PPP1R12B: variants seen among roughly 807,000 people sequenced by gnomAD.
The protein encoded by PPP1R12B is myosin phosphatase target subunit 2.
In PPP1R12B, 76 loss-of-function variants were observed where a neutral mutation model predicts 126.1. The observed-to-expected ratio is 0.60, with a 90% confidence interval of 0.50 to 0.73. The LOEUF is 0.73. Ranked by LOEUF, PPP1R12B falls within the 30% of genes least tolerant of loss-of-function variation. The probability of loss-of-function intolerance (pLI) is 0.00; values close to 1 mark genes in which losing one functional copy is unlikely to be tolerated. For missense variants in PPP1R12B, 1,052 were observed against 1,205.1 expected (o/e 0.87, Z 1.88); for synonymous variants, 356 against 434.7 (o/e 0.82, Z 2.25).
chr1:202,562,961 T>C lies in PPP1R12B; in HGVS notation c.2652+39T>C. 5.3e-6 allele frequency: 8 copies of C among 1,518,140 alleles called. 1 individual carries two copies. The highest frequency in any genetic ancestry group is 7.0e-6 in the Non-Finnish European group (8 of 1,135,184). 94.0% of individuals were successfully genotyped at this position (1,518,140 alleles called of 1,614,324 possible). ...TCAATTTTCCGGTTCTTTGGTGACA[T>C]GTAAACCTCTCAGCCTTCCTCCACC... is the stretch of plus-strand genomic sequence containing the variant. On this transcript the variant is annotated intron_variant, in intron 20 of 23. Coordinates refer to ENST00000608999, the MANE Select transcript of PPP1R12B (RefSeq NM_002481.4).
intron 21 of PPP1R12B, among the ~76,000 whole-genome samples, chr1:202,564,810 A>T (rs1252968322): frequency 2.0e-5 from 3 of 152,228 alleles, no homozygotes; most frequent in Non-Finnish European, 2.9e-5. Context: ...CTACTTATTT[A>T]TTAGTAGAAA....
chr1:202,564,188 G>A (rs1458930755), intron 20 of PPP1R12B, among the ~76,000 whole-genome samples: 3 of 152,110 alleles, frequency 2.0e-5, no homozygotes, highest in African/African-American at 7.2e-5. Flanking sequence ...CAATGAAAAT[G>A]TCCCATAGTA....
In PPP1R12B at chr1:202,383,787, C is replaced by T. The variant is rs2049686; in HGVS notation, c.292-33000C>T. ...TAAGATGTATCTCTTTTGATATACACAGCACCTATTCATTTATCTTCACAT... is the reference window on the plus strand; with the variant it reads ...TAAGATGTATCTCTTTTGATATACATAGCACCTATTCATTTATCTTCACAT... On this transcript the variant is annotated intron_variant, in intron 1 of 23. Transcript: ENST00000608999. 2.2e-4 allele frequency among the ~76,000 whole-genome samples: 34 copies of T among 152,248 alleles called. No homozygotes were observed. In the South Asian group the frequency reaches 3.7e-3, roughly 17 times the overall value.
chr1:202,580,447 C>T, intron 23 of PPP1R12B, 27 bp from the exon 24 acceptor site: 1 of 1,592,968 alleles, frequency 6.3e-7, no homozygotes. Context: ...CAGGCTCTAA[C>T]TCACCTTTCC....
chr1:202,493,546 C>T (rs1190034820), intron 15 of PPP1R12B, among the ~76,000 whole-genome samples: 2 of 151,996 alleles, frequency 1.3e-5, no homozygotes, highest in African/African-American at 2.4e-5. Context: ...AATAAATGTC[C>T]TTCTAGTCTA....
In PPP1R12B at chr1:202,358,323, T is replaced by G. The variant is rs540269103; in HGVS notation, c.291+9181T>G. On this transcript the variant is annotated intron_variant, in intron 1 of 23. Coordinates refer to ENST00000608999, the MANE Select transcript of PPP1R12B (RefSeq NM_002481.4). ...GATTGTAACCAGTTTGAGTAAAATT[T>G]GGGGGCTTAAAGTTTTATCAGGCAT... Among the ~76,000 whole-genome samples, 4 of 152,310 alleles carry G rather than the reference T, an allele frequency of 2.6e-5. No homozygotes were observed. The South Asian group carries it at 8.3e-4, about 32-fold the overall frequency.
At chr1:202,375,046 G>A (rs1418067732) in intron 1 of PPP1R12B, among the ~76,000 whole-genome samples, 4 of 151,688 alleles carry the variant, frequency 2.6e-5, no homozygotes, top group African/African-American at 9.7e-5. Context: ...GGGTTCAAGC[G>A]ATTCTCATGC....
intron 1 of PPP1R12B, chr1:202,370,120 T>C (rs1659961024): frequency 4.0e-6 from 1 of 249,520 alleles, no homozygotes; most frequent in Non-Finnish European, 8.0e-6. Flanking sequence ...AACAAAACTC[T>C]TCTTGCCTTT....
chr1:202,581,507 T>A lies in PPP1R12B; in HGVS notation c.*947T>A, dbSNP rs74136794. ...AAAGTGATTTTCTTTATAAGAAAATTTGGGCTCTGAATACTCCATTCTGCC... is the reference window on the plus strand; with the variant it reads ...AAAGTGATTTTCTTTATAAGAAAATATGGGCTCTGAATACTCCATTCTGCC... On this transcript the variant is annotated 3_prime_UTR_variant, in exon 24 of 24. Coordinates refer to ENST00000608999, the MANE Select transcript of PPP1R12B (RefSeq NM_002481.4). 6.6e-6 allele frequency: 1 copy of A among 152,216 alleles called. No individual in the cohort carries two copies. Among genetic ancestry groups the A allele is most frequent in the Non-Finnish European group, 1.5e-5 (1 of 68,050 alleles). 9.4% of individuals were successfully genotyped at this position (152,216 alleles called of 1,614,324 possible).
chr1:202,547,045 T>C (rs1397100281), intron 18 of PPP1R12B, among the ~76,000 whole-genome samples: 1 of 152,130 alleles, frequency 6.6e-6, no homozygotes, highest in Non-Finnish European at 1.5e-5. Flanking sequence ...TCTCAAAGGA[T>C]TCAGAAATTT....
intron 13 of PPP1R12B, among the ~76,000 whole-genome samples, chr1:202,488,180 C>G (rs964399727): frequency 2.0e-5 from 3 of 152,154 alleles, no homozygotes; most frequent in African/African-American, 7.2e-5. Flanking sequence ...TGATTTGCAT[C>G]TCAGGAGGGA....
intron 20 of PPP1R12B, among the ~76,000 whole-genome samples, chr1:202,563,201 C>T (rs550155545): frequency 6.6e-6 from 1 of 152,214 alleles, no homozygotes; most frequent in Non-Finnish European, 1.5e-5. Context: ...ACTTCCCTCT[C>T]AAACTCCTGG....
intron 13 of PPP1R12B, 67 bp downstream of exon 13, chr1:202,449,238 A>G: frequency 6.7e-7 from 1 of 1,497,896 alleles, no homozygotes; most frequent in Non-Finnish European, 8.9e-7. Context: ...GAATGGGCAT[A>G]AAGTGTTTTT....
chr1:202,520,144 TA>T (rs1327972408), intron 18 of PPP1R12B, among the ~76,000 whole-genome samples: 2 of 152,224 alleles, frequency 1.3e-5, no homozygotes, highest in Non-Finnish European at 2.9e-5. Flanking sequence ...ACCAAACTGT[TA>T]AGGTCACAGA....
intron 1 of PPP1R12B, among the ~76,000 whole-genome samples, chr1:202,386,900 C>T (rs1252807868): frequency 6.6e-6 from 1 of 152,124 alleles, no homozygotes; most frequent in Non-Finnish European, 1.5e-5. Context: ...AATTACACAA[C>T]TTTTCATGGC....
chr1:202,455,531 G>A (rs1673517659), intron 13 of PPP1R12B, among the ~76,000 whole-genome samples: 1 of 152,156 alleles, frequency 6.6e-6, no homozygotes, highest in African/African-American at 2.4e-5. Flanking sequence ...CCATATGATA[G>A]CATGTATCAG....
At chr1:202,403,215 A>G (rs1571848209) in intron 1 of PPP1R12B, among the ~76,000 whole-genome samples, 1 of 152,134 alleles carries the variant, frequency 6.6e-6, no homozygotes, top group African/African-American at 2.4e-5. Flanking sequence ...CTGCCACTCA[A>G]CTCCAACCAG....
chr1:202,546,082 G>A (rs1412987068), intron 18 of PPP1R12B, among the ~76,000 whole-genome samples: 1 of 152,208 alleles, frequency 6.6e-6, no homozygotes, highest in East Asian at 1.9e-4. Context: ...ACTGGGAGGA[G>A]GGTCAGGACA....
chr1:202,517,376 C>G (rs1170953933), intron 18 of PPP1R12B, among the ~76,000 whole-genome samples: 1 of 152,138 alleles, frequency 6.6e-6, no homozygotes, highest in African/African-American at 2.4e-5. Flanking sequence ...TTACAGTGTT[C>G]CAGACTTGCT....
Sources: allele counts gnomAD v4.1 joint callset (sites outside exome capture counted in the v4.1 genomes callset), GRCh38; gene constraint gnomAD v4.1.1; transcripts MANE v1.5; gene names NCBI Gene and HGNC (gene_info 2026-07-23, HGNC 2026-07-21).